TCF20: variants seen among roughly 807,000 people sequenced by gnomAD.
The protein encoded by TCF20 is SPRE-binding protein.
A neutral mutation model predicts 148.6 loss-of-function variants in TCF20; 3 were observed. The ratio of observed to expected loss-of-function variants is 0.02; its 90% confidence interval spans 0.01 to 0.05. The LOEUF (loss-of-function observed/expected upper bound fraction) is 0.05. Ranked by LOEUF, TCF20 falls within the 10% of genes least tolerant of loss-of-function variation. The pLI is 1.00. For synonymous variants in TCF20, 1,049 were observed against 909.5 expected, an observed-to-expected ratio of 1.15 and a Z score of -2.76; for missense variants, 2,350 against 2,429.3, an observed-to-expected ratio of 0.97 and a Z score of 0.69.
At chr22:42,206,937 A>G (rs1315921040) in intron 2 of TCF20, among the ~76,000 whole-genome samples, 1 of 152,176 alleles carries the variant, frequency 6.6e-6, no homozygotes, top group African/African-American at 2.4e-5. Flanking sequence ...AACTCATGAC[A>G]CCATGAGCAA....
chr22:42,268,013 G>A (rs1310440675), intron 1 of TCF20, among the ~76,000 whole-genome samples: 1 of 152,156 alleles, frequency 6.6e-6, no homozygotes, highest in African/African-American at 2.4e-5. Context: ...GGGTGTGGTA[G>A]TGTATGCCTC....
At chr22:42,296,530 C>T (rs899401174) in intron 1 of TCF20, among the ~76,000 whole-genome samples, 3 of 152,234 alleles carry the variant, frequency 2.0e-5, no homozygotes, top group African/African-American at 4.8e-5. Flanking sequence ...CTGCGGCGTT[C>T]GAGCTGCTGC....
intron 3 of TCF20, among the ~76,000 whole-genome samples, chr22:42,170,449 G>A (rs1020957279): frequency 2.0e-5 from 3 of 150,658 alleles, no homozygotes; most frequent in Non-Finnish European, 4.4e-5. Flanking sequence ...TCAGACTGCA[G>A]TAAGCTACTA....
rs770967170 is a variant in TCF20 at position 42,211,939 on chromosome 22, G to A, written c.3367C>T (p.Pro1123Ser). 2.5e-6 allele frequency: 4 copies of A among 1,614,000 alleles called. No individual in the cohort carries two copies. Among genetic ancestry groups the A allele is most frequent in the Non-Finnish European group, 3.4e-6 (4 of 1,180,046 alleles). Reference sequence around the variant, plus strand: ...CTGTCAAGAAACTGCTGCTGCCTTGGACTCTTCCGTGGCCCCTCCTGCCTG... The same window carrying A: ...CTGTCAAGAAACTGCTGCTGCCTTGAACTCTTCCGTGGCCCCTCCTGCCTG... ...QHRQEGPRKS[P>S]RQQQFLDRVR... Residue 1123 changes from proline (P) to serine (S), a missense_variant, in exon 2 of 6, where the codon CCA (proline) becomes TCA (serine). Coordinates refer to ENST00000677622, the MANE Select transcript of TCF20 (RefSeq NM_001378418.1).
chr22:42,222,417 C>T (rs1222911207), intron 1 of TCF20, among the ~76,000 whole-genome samples: 13 of 152,110 alleles, frequency 8.5e-5, no homozygotes, highest in Admixed American at 8.5e-4. Context: ...CTTTCTTGGG[C>T]TAGAATAACA....
intron 3 of TCF20, among the ~76,000 whole-genome samples, chr22:42,178,012 G>T (rs576931926): frequency 1.3e-5 from 2 of 152,180 alleles, no homozygotes; most frequent in South Asian, 2.1e-4. Flanking sequence ...AAGGACAGAG[G>T]GGGTGAAGAT....
rs539500058 is a variant in TCF20 at position 42,168,694 on chromosome 22, C to T, written c.5842G>A (p.Ala1948Thr). ...TGCTCTGTGCTGAGGCTGCCTTTCG[C>T]GGTCTTGTTCTGCAAGGGGGGGAGA... The part of the protein sequence containing the change: ...CPLPPLQNKT[A>T]KGSLSTEQSE... The change falls in exon 5 of 6, where the codon GCG becomes ACG. Residue 1948 changes from alanine (A) to threonine (T), a missense_variant. Ala to Thr is a moderately conservative substitution (Grantham distance 58). Around this residue, in one of 7 missense-constraint regions of TCF20, gnomAD observed 67 missense variants for 60.8 expected, o/e 1.10. Transcript: ENST00000677622. The T allele has an allele frequency of 2.7e-5, 43 of 1,610,638 alleles. No individual in the cohort carries two copies. The South Asian group carries it at 3.4e-4, about 13-fold the overall frequency.
In TCF20 at chr22:42,338,470, G is replaced by A. The variant is rs377426239; in HGVS notation, c.-37+5009C>T. The stretch of plus-strand genomic sequence containing the variant: ...AGAGCCCCGTCCCTCCCGGCAGCCC[G>A]GCCTGCAGGGGCCACTCGGCCAATC... On this transcript the variant is annotated intron_variant, in intron 1 of 1. Transcript: ENST00000515426. This position sits in a 1 kb window ranked among gnomAD's most constrained non-coding sequence, Gnocchi z 4.0. Among the ~76,000 whole-genome samples, 20 of 152,218 alleles carry A rather than the reference G, an allele frequency of 1.3e-4. No individual in the cohort carries two copies. Among genetic ancestry groups the A allele is most frequent in the Non-Finnish European group, 2.8e-4 (19 of 68,040 alleles).
At chr22:42,200,875 A>G (rs147967795) in intron 2 of TCF20, among the ~76,000 whole-genome samples, 72 of 152,284 alleles carry the variant, frequency 4.7e-4, no homozygotes, top group African/African-American at 1.7e-3. Context: ...CTTAGAAATC[A>G]CTAATGGTTT....
chr22:42,209,599 G>C, intron 2 of TCF20, 52 bp downstream of exon 2: 1 of 1,527,972 alleles, frequency 6.5e-7, no homozygotes, highest in Non-Finnish European at 8.8e-7. Context: ...TGCAAGAAAA[G>C]GAACCAAATG....
In TCF20 at chr22:42,211,384, T is replaced by C; in HGVS notation, c.3922A>G (p.Ile1308Val). The change falls in exon 2 of 6, where the codon ATC becomes GTC. Residue 1308 changes from isoleucine to valine, a missense_variant. Coordinates refer to ENST00000677622, the MANE Select transcript of TCF20 (RefSeq NM_001378418.1). ...GAATCTCTCTTAGGGATAGACTTGA[T>C]ATCCTGACTGTGAGAAAGATGGGCA... ...SYAHLSHSQD[I>V]KSIPKRDSSK... 1 of 1,614,206 alleles carries C rather than the reference T, an allele frequency of 6.2e-7. No homozygotes were observed. Among genetic ancestry groups the C allele is most frequent in the South Asian group, 1.1e-5 (1 of 91,076 alleles).
chr22:42,240,258 C>T (rs1601644794), intron 1 of TCF20, among the ~76,000 whole-genome samples: 1 of 152,182 alleles, frequency 6.6e-6, no homozygotes, highest in Admixed American at 6.5e-5. Flanking sequence ...AGGCGACTGG[C>T]TGCAGAGATC....
chr22:42,300,107 A>C (rs930474614), intron 1 of TCF20, among the ~76,000 whole-genome samples: 1 of 152,128 alleles, frequency 6.6e-6, no homozygotes, highest in Admixed American at 6.5e-5. Context: ...CTGCTGAAGG[A>C]ATTTTAAAAC....
intron 1 of TCF20, among the ~76,000 whole-genome samples, chr22:42,232,217 C>T (rs1156743964): frequency 6.6e-6 from 1 of 152,120 alleles, no homozygotes; most frequent in Non-Finnish European, 1.5e-5. Context: ...AGTACAGTAA[C>T]ATGCGGTACA....
At chr22:42,178,701 G>A (rs759998887) in intron 3 of TCF20, among the ~76,000 whole-genome samples, 2 of 147,254 alleles carry the variant, frequency 1.4e-5, no homozygotes, top group Non-Finnish European at 3.0e-5. Flanking sequence ...TCCTGCCTCA[G>A]ACTCCCGAGT....
chr22:42,208,943 AAGG>A (rs1400520559), intron 2 of TCF20, among the ~76,000 whole-genome samples: 3 of 152,220 alleles, frequency 2.0e-5, no homozygotes, highest in Non-Finnish European at 4.4e-5. Context: ...CCCTAGGGAA[AAGG>A]AGAAGATCCT....
Position 42,215,102 on chromosome 22 carries a change from C to T in TCF20, c.204G>A (p.Ala68=), listed in dbSNP as rs146936937. The T allele has an allele frequency of 1.5e-3, 2,500 of 1,614,120 alleles. 28 individuals are homozygous for T. The African/African-American group carries it at 0.029, about 19-fold the overall frequency. Residue 68 remains alanine, a synonymous_variant, in exon 2 of 6, where the codon GCG becomes GCA. Coordinates refer to ENST00000677622, the MANE Select transcript of TCF20 (RefSeq NM_001378418.1). ...GATGGCCAGAGGTCTCGCTAGCCAT[C>T]GCTGCCGCAGCAGCTGCTGCTCCTC... is the stretch of plus-strand genomic sequence containing the variant. ...GRRGAAAAAA[A]MASETSGHQG...
At chr22:42,215,812 A>G (rs992690507) in intron 1 of TCF20, among the ~76,000 whole-genome samples, 3 of 152,172 alleles carry the variant, frequency 2.0e-5, no homozygotes, top group Admixed American at 6.5e-5. Context: ...CACTTCTGAA[A>G]ATGCACATAT....
At chr22:42,267,794 T>C (rs1926369744) in intron 1 of TCF20, among the ~76,000 whole-genome samples, 1 of 152,166 alleles carries the variant, frequency 6.6e-6, no homozygotes, top group Non-Finnish European at 1.5e-5. Flanking sequence ...TCAATAATTA[T>C]AAGCACTCTG....
Sources: gnomAD v4.1 joint callset for allele counts (sites outside exome capture counted in the v4.1 genomes callset) on GRCh38, gnomAD v4.1.1 for gene constraint, gnomAD v4.1.1 regional missense constraint, Gnocchi (gnomAD v3.1) non-coding constraint, MANE v1.5 for transcripts, NCBI Gene and HGNC (gene_info 2026-07-23, HGNC 2026-07-21) for gene names.